The following NNT variants were observed in gnomAD, a reference collection of about 807,000 sequenced individuals.
NNT encodes NAD(P) transhydrogenase, mitochondrial.
NNT carries 50 observed loss-of-function variants against 104.8 expected under a neutral mutation model. The ratio of observed to expected loss-of-function variants is 0.48; its 90% CI spans 0.38 to 0.60. The LOEUF is 0.60. Ranked by LOEUF, NNT falls within the 20% of genes least tolerant of loss-of-function variation. The pLI, the probability that NNT is intolerant of heterozygous loss-of-function variation, is 0.00. For missense variants in NNT, 1,131 were observed against 1,330.7 expected (o/e 0.85, Z 2.33); for synonymous variants, 461 against 490.4 (o/e 0.94, Z 0.79).
intron 7 of NNT, among the ~76,000 whole-genome samples, chr5:43,630,584 A>G (rs1750622873): frequency 6.6e-6 from 1 of 152,200 alleles, no homozygotes; most frequent in South Asian, 2.1e-4. Context: ...GGTAGGAATT[A>G]CTTTCTAGTC....
At chr5:43,644,447 TA>T in intron 8 of NNT, 122 bp downstream of exon 8, 1 of 1,284,640 alleles carries the variant, frequency 7.8e-7, no homozygotes, top group South Asian at 1.4e-5. Context: ...AAAATAGGCA[TA>T]TTTAAAGCTC....
chr5:43,695,192 G>C (rs1742495559), intron 19 of NNT, among the ~76,000 whole-genome samples: 3 of 152,112 alleles, frequency 2.0e-5, no homozygotes, highest in African/African-American at 7.2e-5. Context: ...TAAAGATGTC[G>C]AAAACAATTT....
chr5:43,629,926 G>T (rs1163503605), intron 7 of NNT, among the ~76,000 whole-genome samples: 1 of 152,098 alleles, frequency 6.6e-6, no homozygotes, highest in Non-Finnish European at 1.5e-5. Context: ...ATCCTGGGTT[G>T]TCTGTTTACT....
At position 43,706,788 on chromosome 5, in the gene NNT, C is replaced by T. The variant is rs1743105013; in HGVS notation, c.*2384C>T. 6.6e-6 allele frequency: 1 copy of T among 152,030 alleles called. No individual in the cohort carries two copies. Among genetic ancestry groups the T allele is most frequent in the African/African-American group, 2.4e-5 (1 of 41,368 alleles). The allele number at this position is 152,030 out of a possible 1,614,324, so 9.4% of individuals were successfully genotyped here. On this transcript the variant is annotated 3_prime_UTR_variant, in exon 22 of 22. Transcript: ENST00000344920. ...ATATACACCATGGAATACTATGCAG[C>T]CATAAAAAAGGATGAGTTCATGTCC...
At chr5:43,680,864 C>G (rs1741670085) in intron 19 of NNT, among the ~76,000 whole-genome samples, 1 of 152,038 alleles carries the variant, frequency 6.6e-6, no homozygotes, top group African/African-American at 2.4e-5. Flanking sequence ...GATTTTATGA[C>G]AACAATCTTA....
At chr5:43,616,133 CTT>C in intron 4 of NNT, 68 bp downstream of exon 4, 1 of 1,224,674 alleles carries the variant, frequency 8.2e-7, no homozygotes, top group Non-Finnish European at 1.2e-6. Flanking sequence ...CACTGTAGCT[CTT>C]CTGTCTTACA....
At chr5:43,666,411 C>G (rs61898869) in intron 17 of NNT, among the ~76,000 whole-genome samples, 1 of 152,154 alleles carries the variant, frequency 6.6e-6, no homozygotes, top group Non-Finnish European at 1.5e-5. Flanking sequence ...GCCAACACGG[C>G]GAAACCCCGT....
chr5:43,666,602 G>A (rs1039715291), intron 17 of NNT, among the ~76,000 whole-genome samples: 2 of 151,838 alleles, frequency 1.3e-5, no homozygotes, highest in Non-Finnish European at 1.5e-5. Flanking sequence ...GGGGGAGGGG[G>A]AGGGAGAGAA....
intron 17 of NNT, 76 bp from the exon 18 acceptor site, chr5:43,675,432 TATC>T: frequency 8.3e-7 from 1 of 1,211,012 alleles, no homozygotes; most frequent in Non-Finnish European, 1.1e-6. Context: ...TGATTCCAAA[TATC>T]ATATACACAA....
chr5:43,642,199 C>G (rs1338715940), intron 7 of NNT, among the ~76,000 whole-genome samples: 1 of 152,184 alleles, frequency 6.6e-6, no homozygotes, highest in Non-Finnish European at 1.5e-5. Flanking sequence ...AGAAGAGGCT[C>G]TGGCCCTAGA....
intron 18 of NNT, among the ~76,000 whole-genome samples, chr5:43,676,766 G>A (rs1741435905): frequency 6.6e-6 from 1 of 152,094 alleles, no homozygotes; most frequent in African/African-American, 2.4e-5. Context: ...AATGCAAGGT[G>A]GGTTATGATA....
At chr5:43,626,384 CAG>C (rs918255832) in intron 6 of NNT, among the ~76,000 whole-genome samples, 6 of 152,132 alleles carry the variant, frequency 3.9e-5, no homozygotes, top group African/African-American at 1.2e-4. Flanking sequence ...TTTGATATCT[CAG>C]GGGGATCATG....
intron 10 of NNT, chr5:43,648,428 G>A (rs1373451934): frequency 1.2e-5 from 2 of 161,942 alleles, no homozygotes; most frequent in African/African-American, 4.8e-5. Context: ...CAAGGAAGGC[G>A]ATAATTAAAG....
chr5:43,686,628 A>G lies in NNT; in HGVS notation c.2876+8822A>G, dbSNP rs374757773. On this transcript the variant is annotated intron_variant, in intron 19 of 21. Coordinates refer to ENST00000344920, the MANE Select transcript of NNT (RefSeq NM_182977.3). ...AACATTTGTTTTAATGTGAAAATGTATGCTTCTTTGTATTAAGTGATTATT... is the reference window on the plus strand; with the variant it reads ...AACATTTGTTTTAATGTGAAAATGTGTGCTTCTTTGTATTAAGTGATTATT... Among the ~76,000 whole-genome samples, 3 of 152,256 alleles carry G rather than the reference A, an allele frequency of 2.0e-5. No homozygotes were observed. The East Asian group carries it at 5.8e-4, about 29-fold the overall frequency.
At chr5:43,700,070 C>A in intron 19 of NNT, 49 bp from the exon 20 acceptor site, 1 of 1,448,928 alleles carries the variant, frequency 6.9e-7, no homozygotes, top group Non-Finnish European at 9.6e-7. Flanking sequence ...GGTCTCTGTA[C>A]ATTATGTCCT....
rs1003148691 is a variant in NNT, at chr5:43,647,833, C to T, written c.1445-1314C>T. Reference sequence around the variant, plus strand: ...TGATAATAGCTAGCATTTAGTGACTCCTAGGCATTGTGCTAAATACTTCAC... The same window carrying T: ...TGATAATAGCTAGCATTTAGTGACTTCTAGGCATTGTGCTAAATACTTCAC... On this transcript the variant is annotated intron_variant, in intron 10 of 21. Transcript: ENST00000344920. 4 of 450,566 alleles carry T rather than the reference C, an allele frequency of 8.9e-6. 1 individual carries two copies. In the East Asian group the frequency reaches 2.8e-4, roughly 31 times the overall value. 27.9% of individuals were successfully genotyped at this position (450,566 alleles called of 1,614,324 possible). A position where few individuals can be genotyped will look rare whatever the true frequency, so the allele number is the denominator to read the frequency against.
chr5:43,660,183 A>G (rs1238837939), intron 17 of NNT, among the ~76,000 whole-genome samples: 1 of 152,226 alleles, frequency 6.6e-6, no homozygotes, highest in Non-Finnish European at 1.5e-5. Context: ...GTCTTAAGAT[A>G]GATTCCTAGA....
In NNT at chr5:43,704,994, A is replaced by G. The variant is rs1038325107; in HGVS notation, c.*590A>G. On this transcript the variant is annotated 3_prime_UTR_variant, in exon 22 of 22. Transcript: ENST00000344920. ...GGGCACATTTTCTCACTACTATTTT[A>G]ATACATTAAAGGACTAAATAATCTT... 2.0e-5 allele frequency: 3 copies of G among 152,268 alleles called. No individual in the cohort carries two copies. The highest frequency in any genetic ancestry group is 4.4e-5 in the Non-Finnish European group (3 of 68,082). The allele number at this position is 152,268 out of a possible 1,614,324, so 9.4% of individuals were successfully genotyped here.
At position 43,675,610 on chromosome 5, in the gene NNT, A is replaced by G. The variant is rs568305095; in HGVS notation, c.2734A>G (p.Ile912Val). 30 of 1,613,140 alleles carry G rather than the reference A, an allele frequency of 1.9e-5. No homozygotes were observed. The East Asian group carries it at 4.7e-4, about 25-fold the overall frequency. Residue 912 changes from isoleucine to valine, a missense_variant, in exon 18 of 22, where the codon ATC (isoleucine) becomes GTC (valine). By Grantham distance (29) the Ile-to-Val change is conservative. Coordinates refer to ENST00000344920, the MANE Select transcript of NNT (RefSeq NM_182977.3). ...PMEISGTHTE[I>V]NLDNAIDMIR... ...GGAAATTTCTGGCACACATACGGAAATCAACCTTGACAATGCAATTGACAT... is the reference window on the plus strand; with the variant it reads ...GGAAATTTCTGGCACACATACGGAAGTCAACCTTGACAATGCAATTGACAT...
Sources: allele counts gnomAD v4.1 joint callset (sites outside exome capture counted in the v4.1 genomes callset), GRCh38; gene constraint gnomAD v4.1.1; transcripts MANE v1.5; gene names NCBI Gene and HGNC (gene_info 2026-07-23, HGNC 2026-07-21).